DAB1: variants seen among roughly 807,000 people sequenced by gnomAD.
DAB1 encodes the protein DAB adaptor protein 1, also known as disabled homolog 1.
A neutral mutation model predicts 64.6 loss-of-function variants in DAB1; 15 were observed. That is an observed-to-expected ratio of 0.23 (90% CI 0.16 to 0.36). The LOEUF (loss-of-function observed/expected upper bound fraction) is 0.36, where lower values mean the gene tolerates loss of function less well. DAB1 is among the 10% of genes least tolerant of loss of function. DAB1 has a pLI of 1.00. For synonymous variants in DAB1, 235 were observed against 251.9 expected (o/e 0.93, Z 0.64); for missense variants, 596 against 706.7 (o/e 0.84, Z 1.78).
intron 6 of DAB1, among the ~76,000 whole-genome samples, chr1:57,792,477 AT>A (rs1281527611): frequency 1.3e-5 from 2 of 152,098 alleles, no homozygotes; most frequent in African/African-American, 4.8e-5. Flanking sequence ...AAAGTTTTCT[AT>A]TTTTAGATTC....
At chr1:58,279,811 G>C (rs1175264331) in intron 4 of DAB1, among the ~76,000 whole-genome samples, 1 of 152,130 alleles carries the variant, frequency 6.6e-6, no homozygotes, top group African/African-American at 2.4e-5. Context: ...TAACCCAGTG[G>C]CTGTGAAGAG....
upstream of DAB1, among the ~76,000 whole-genome samples, chr1:57,886,106 G>A (rs1644216981): frequency 6.6e-6 from 1 of 151,644 alleles, no homozygotes; most frequent in Non-Finnish European, 1.5e-5. Context: ...AAGGAGTCCA[G>A]GTCTACATCA....
intron 3 of DAB1, among the ~76,000 whole-genome samples, chr1:58,372,056 TAAG>T (rs999393805): frequency 6.6e-6 from 1 of 152,154 alleles, no homozygotes. Context: ...AGTGGAGCTG[TAAG>T]AAGAAGGCCA....
At chr1:58,179,881 T>C (rs1200002092) in intron 4 of DAB1, among the ~76,000 whole-genome samples, 2 of 152,090 alleles carry the variant, frequency 1.3e-5, no homozygotes, top group African/African-American at 4.8e-5. Context: ...CCATAGGTTC[T>C]ACATCATTGA....
In DAB1 at chr1:57,178,837, A is replaced by G. The variant is rs1194334172; in HGVS notation, c.68-33408T>C. Among the ~76,000 whole-genome samples, 8 of 151,138 alleles carry G rather than the reference A, an allele frequency of 5.3e-5. No homozygotes were observed. The East Asian group carries it at 5.9e-4, about 11-fold the overall frequency. On this transcript the variant is annotated intron_variant, in intron 2 of 14. Transcript: ENST00000371236. ...ATCACATATATAATGCACCTAAGAT[A>G]GTGTGTGGTAGCTATTAGGTGCTTT...
chr1:58,101,098 C>T (rs1224613999), intron 5 of DAB1, among the ~76,000 whole-genome samples: 3 of 152,140 alleles, frequency 2.0e-5, no homozygotes, highest in Non-Finnish European at 4.4e-5. Context: ...AGGTGGATCA[C>T]GAGGTCAGGA....
At chr1:57,441,264 C>CT (rs57704123) in intron 7 of DAB1, among the ~76,000 whole-genome samples, 22 of 49,578 alleles carry the variant, frequency 4.4e-4, no homozygotes, top group Non-Finnish European at 5.5e-4. Flanking sequence ...CTTTTCTTTT[C>CT]TTTCTTTCTC....
intron 5 of DAB1, among the ~76,000 whole-genome samples, chr1:58,085,984 G>A (rs1224775976): frequency 1.4e-5 from 1 of 73,366 alleles, no homozygotes; most frequent in East Asian, 8.8e-4. Context: ...TTTTTTTTGA[G>A]ACGGAGTCTC....
chr1:57,595,641 C>A (rs1645499902), intron 7 of DAB1, among the ~76,000 whole-genome samples: 1 of 151,946 alleles, frequency 6.6e-6, no homozygotes, highest in African/African-American at 2.4e-5. Flanking sequence ...CCCCACCCCC[C>A]AAATCCCATA....
At chr1:57,852,573 A>AT (rs1020215198) in intron 1 of DAB1, among the ~76,000 whole-genome samples, 1 of 151,714 alleles carries the variant, frequency 6.6e-6, no homozygotes, top group African/African-American at 2.4e-5. Context: ...TACCCTCCTC[A>AT]TCACCCCACA....
chr1:57,202,477 G>C (rs551683308), intron 2 of DAB1, among the ~76,000 whole-genome samples: 2 of 152,108 alleles, frequency 1.3e-5, no homozygotes, highest in African/African-American at 2.4e-5. Context: ...ACTAAGATCC[G>C]TTTACCTGCA....
intron 9 of DAB1, among the ~76,000 whole-genome samples, chr1:57,042,761 A>G (rs1295880839): frequency 6.6e-6 from 1 of 152,194 alleles, no homozygotes; most frequent in Non-Finnish European, 1.5e-5. Context: ...TGATAGCATG[A>G]CATTATATGG....
intron 6 of DAB1, among the ~76,000 whole-genome samples, chr1:57,764,583 C>T (rs1296605884): frequency 1.3e-5 from 2 of 152,130 alleles, no homozygotes; most frequent in Non-Finnish European, 2.9e-5. Flanking sequence ...TCCGTCTTGT[C>T]CTCCTACCCT....
intron 1 of DAB1, among the ~76,000 whole-genome samples, chr1:57,318,773 C>T (rs374845): frequency 0.45 from 67,643 of 149,992 alleles, 16,210 homozygotes; most frequent in East Asian, 0.89. Flanking sequence ...GATTCCTCAG[C>T]CTCTGGATTG....
chr1:57,596,322 T>C (rs1256924426), intron 7 of DAB1, among the ~76,000 whole-genome samples: 1 of 152,218 alleles, frequency 6.6e-6, no homozygotes, highest in African/African-American at 2.4e-5. Flanking sequence ...TAATTGTCAC[T>C]TCCCTGGGGA....
intron 4 of DAB1, among the ~76,000 whole-genome samples, chr1:58,252,681 T>C (rs1164320020): frequency 6.6e-6 from 1 of 152,188 alleles, no homozygotes; most frequent in Non-Finnish European, 1.5e-5. Flanking sequence ...TGATTTGATA[T>C]TGCCCCCCTT....
chr1:58,513,540 A>C (rs1646113923), intron 2 of DAB1, among the ~76,000 whole-genome samples: 1 of 152,146 alleles, frequency 6.6e-6, no homozygotes, highest in Non-Finnish European at 1.5e-5. Context: ...AGAACTAATA[A>C]TGGCTACCGC....
intron 1 of DAB1, among the ~76,000 whole-genome samples, chr1:57,371,053 G>C (rs746405231): frequency 3.9e-5 from 6 of 152,180 alleles, no homozygotes; most frequent in Non-Finnish European, 5.9e-5. Context: ...AGCAAGGAGA[G>C]ATCTGGGAAT....
At chr1:57,308,676 A>C (rs1674403553) in intron 1 of DAB1, among the ~76,000 whole-genome samples, 1 of 152,222 alleles carries the variant, frequency 6.6e-6, no homozygotes, top group South Asian at 2.1e-4. Flanking sequence ...ATGGCTTCTA[A>C]TAATAAGAAG....
Sources: gnomAD v4.1 joint callset for allele counts (sites outside exome capture counted in the v4.1 genomes callset) on GRCh38, gnomAD v4.1.1 for gene constraint, MANE v1.5 for transcripts, NCBI Gene and HGNC (gene_info 2026-07-23, HGNC 2026-07-21) for gene names.